ANKS1B: variants seen among roughly 807,000 people sequenced by gnomAD.
The protein encoded by ANKS1B is ankyrin repeat and sterile alpha motif domain containing 1B.
In ANKS1B, 36 loss-of-function variants were observed where a neutral mutation model predicts 148.3. The observed-to-expected ratio is 0.24, with a 90% CI of 0.19 to 0.32. The LOEUF is 0.32. Ranked by LOEUF, ANKS1B falls within the 10% of genes least tolerant of loss-of-function variation. ANKS1B has a pLI of 1.00. For synonymous variants in ANKS1B, 542 were observed against 560.8 expected (o/e 0.97, Z 0.47); for missense variants, 1,157 against 1,542.6 (o/e 0.75, Z 4.19).
intron 25 of ANKS1B, among the ~76,000 whole-genome samples, chr12:98,765,462 C>A (rs551065050): frequency 6.6e-6 from 1 of 151,260 alleles, no homozygotes; most frequent in African/African-American, 2.4e-5. Context: ...TGGGGTTTCA[C>A]CATGCTGGTC....
intron 12 of ANKS1B, among the ~76,000 whole-genome samples, chr12:99,363,626 T>C (rs2092609708): frequency 6.6e-6 from 1 of 152,150 alleles, no homozygotes; most frequent in Admixed American, 6.5e-5. Context: ...CTGTACCTAA[T>C]GTATATATGA....
intron 12 of ANKS1B, among the ~76,000 whole-genome samples, chr12:99,393,726 C>T (rs567955248): frequency 1.3e-5 from 2 of 152,254 alleles, no homozygotes; most frequent in Admixed American, 1.3e-4. Flanking sequence ...TATTCCAACC[C>T]TCTTCTTTAA....
intron 15 of ANKS1B, among the ~76,000 whole-genome samples, chr12:99,152,134 T>C (rs1332203587): frequency 2.0e-5 from 3 of 152,166 alleles, no homozygotes; most frequent in Non-Finnish European, 4.4e-5. Context: ...ATAAATTAGA[T>C]TATGTAGATC....
intron 25 of ANKS1B, among the ~76,000 whole-genome samples, chr12:98,766,602 A>T (rs1000315815): frequency 6.6e-6 from 1 of 152,248 alleles, no homozygotes; most frequent in African/African-American, 2.4e-5. Flanking sequence ...AAAATGAGAA[A>T]CAGAATGAGA....
At chr12:99,363,404 A>T (rs1175316492) in intron 12 of ANKS1B, among the ~76,000 whole-genome samples, 1 of 152,210 alleles carries the variant, frequency 6.6e-6, no homozygotes, top group Non-Finnish European at 1.5e-5. Flanking sequence ...GCTATGATTA[A>T]CAAATGACAT....
At chr12:99,699,437 A>G (rs1308664515) in intron 8 of ANKS1B, among the ~76,000 whole-genome samples, 1 of 152,172 alleles carries the variant, frequency 6.6e-6, no homozygotes, top group East Asian at 1.9e-4. Context: ...GTAAAAATAT[A>G]TGCCTTTTCA....
At chr12:99,706,779 G>A (rs1182624120) in intron 8 of ANKS1B, among the ~76,000 whole-genome samples, 1 of 152,002 alleles carries the variant, frequency 6.6e-6, no homozygotes, top group Non-Finnish European at 1.5e-5. Flanking sequence ...AAGGCCATGT[G>A]GTAAGGAACT....
At chr12:99,142,932 T>C (rs906695611) in intron 15 of ANKS1B, among the ~76,000 whole-genome samples, 1 of 152,152 alleles carries the variant, frequency 6.6e-6, no homozygotes, top group African/African-American at 2.4e-5. Context: ...TGGGCCATAT[T>C]GTTATACAGG....
At chr12:99,453,692 C>T (rs1193776154) in intron 10 of ANKS1B, among the ~76,000 whole-genome samples, 9 of 152,286 alleles carry the variant, frequency 5.9e-5, no homozygotes, top group South Asian at 2.1e-4. Context: ...TTGTTATTTT[C>T]GGCCACAAAT....
At chr12:98,984,064 T>C (rs1355076357) in intron 17 of ANKS1B, among the ~76,000 whole-genome samples, 1 of 152,340 alleles carries the variant, frequency 6.6e-6, no homozygotes, top group Non-Finnish European at 1.5e-5. Context: ...CCTGTGGATA[T>C]CACAGTGATT....
intron 12 of ANKS1B, among the ~76,000 whole-genome samples, chr12:99,309,646 A>G: frequency 6.6e-6 from 1 of 152,124 alleles, no homozygotes; most frequent in Non-Finnish European, 1.5e-5. Flanking sequence ...TGCATATAAA[A>G]TAAAATATAA....
chr12:99,385,826 T>C (rs928783697), intron 12 of ANKS1B, among the ~76,000 whole-genome samples: 6 of 152,240 alleles, frequency 3.9e-5, no homozygotes, highest in Admixed American at 2.0e-4. Flanking sequence ...GTAAGTACTT[T>C]TTACTTATTA....
intron 4 of ANKS1B, among the ~76,000 whole-genome samples, chr12:99,800,168 T>G (rs1420958417): frequency 6.6e-6 from 1 of 152,018 alleles, no homozygotes; most frequent in Non-Finnish European, 1.5e-5. Flanking sequence ...GGTGTGGCCC[T>G]AATCCAATGG....
chr12:99,871,825 T>C lies in ANKS1B; in HGVS notation c.135-46436A>G, dbSNP rs529422042. Among the ~76,000 whole-genome samples the C allele has an allele frequency of 5.3e-5, 8 of 152,300 alleles. No individual in the cohort carries two copies. The South Asian group carries it at 6.2e-4, about 12-fold the overall frequency. On this transcript the variant is annotated intron_variant, in intron 1 of 26. Transcript: ENST00000683438. The stretch of plus-strand genomic sequence containing the variant: ...CAGGAGCCTTGGTGCAGTCTTACAA[T>C]GTTCTAGGTATAGAATCATATCACC...
chr12:98,788,916 G>T (rs2098822080), intron 22 of ANKS1B, among the ~76,000 whole-genome samples: 2 of 152,338 alleles, frequency 1.3e-5, no homozygotes, highest in East Asian at 3.9e-4. Flanking sequence ...TTTAGCTACA[G>T]CTCTTGGTCT....
chr12:99,069,153 C>T (rs574455085), intron 16 of ANKS1B, among the ~76,000 whole-genome samples: 3 of 152,184 alleles, frequency 2.0e-5, no homozygotes, highest in Admixed American at 2.0e-4. Flanking sequence ...TGTGCATGGC[C>T]GTGTGGGTGT....
At chr12:98,771,201 A>C (rs1411144119) in intron 25 of ANKS1B, among the ~76,000 whole-genome samples, 2 of 152,036 alleles carry the variant, frequency 1.3e-5, no homozygotes, top group Non-Finnish European at 2.9e-5. Flanking sequence ...TGACGGTTTC[A>C]CTCTGTAGTC....
chr12:99,392,449 A>T (rs987428632), intron 12 of ANKS1B, among the ~76,000 whole-genome samples: 5 of 152,246 alleles, frequency 3.3e-5, no homozygotes, highest in African/African-American at 7.2e-5. Flanking sequence ...GGAAAGAAGC[A>T]CTTTTCCACT....
chr12:99,135,404 A>G (rs1364745489), intron 15 of ANKS1B, among the ~76,000 whole-genome samples: 1 of 152,230 alleles, frequency 6.6e-6, no homozygotes, highest in Admixed American at 6.5e-5. Flanking sequence ...CTTTATATTT[A>G]AAGTGCCTAC....
Sources: gnomAD v4.1 joint callset for allele counts (sites outside exome capture counted in the v4.1 genomes callset) on GRCh38, gnomAD v4.1.1 for gene constraint, MANE v1.5 for transcripts, NCBI Gene and HGNC (gene_info 2026-07-23, HGNC 2026-07-21) for gene names.